Variants in HEATR1 observed in about 807,000 individuals in gnomAD.
HEATR1 encodes HEAT repeat-containing protein 1.
In HEATR1, 77 loss-of-function variants were observed where a neutral mutation model predicts 248.2. That is an observed-to-expected ratio of 0.31 (90% CI 0.26 to 0.37). HEATR1 has a LOEUF of 0.37. Ranked by LOEUF, HEATR1 falls within the 10% of genes least tolerant of loss-of-function variation. The pLI, the probability that HEATR1 is intolerant of heterozygous loss-of-function variation, is 1.00. For synonymous variants in HEATR1, 897 were observed against 923.1 expected, an observed-to-expected ratio of 0.97 and a Z score of 0.51; for missense variants, 2,420 against 2,504.9, an observed-to-expected ratio of 0.97 and a Z score of 0.72.
At chr1:236,586,815 A>G (rs994996324) in intron 14 of HEATR1, among the ~76,000 whole-genome samples, 1 of 151,958 alleles carries the variant, frequency 6.6e-6, no homozygotes, top group Admixed American at 6.6e-5. Flanking sequence ...AGATGTCTCA[A>G]CTCTACCGGA....
At chr1:236,587,906 T>C in intron 13 of HEATR1, 42 bp downstream of exon 13, 2 of 1,416,116 alleles carry the variant, frequency 1.4e-6, no homozygotes, top group Non-Finnish European at 9.8e-7. Flanking sequence ...GGCAAGGAAA[T>C]TTACAAAATT....
At chr1:236,563,282 T>A (rs1343111710) in intron 32 of HEATR1, among the ~76,000 whole-genome samples, 2 of 150,944 alleles carry the variant, frequency 1.3e-5, no homozygotes, top group Non-Finnish European at 3.0e-5. Flanking sequence ...CTTTTTTTTA[T>A]TTTTTTTATT....
intron 12 of HEATR1, 37 bp downstream of exon 12, chr1:236,590,810 A>G (rs78564511): frequency 0.023 from 25,976 of 1,129,888 alleles, 1,454 homozygotes; most frequent in East Asian, 0.22. Context: ...TCATCATAAG[A>G]AAAAAAAACC....
At chr1:236,579,997 C>T (rs1011354390) in intron 20 of HEATR1, among the ~76,000 whole-genome samples, 8 of 151,884 alleles carry the variant, frequency 5.3e-5, no homozygotes, top group Admixed American at 3.9e-4. Context: ...AGGGCCACTC[C>T]TATGCCTCTG....
At chr1:236,581,099 T>G in intron 20 of HEATR1, 123 bp downstream of exon 20, 97 of 737,384 alleles carry the variant, frequency 1.3e-4, no homozygotes, top group Non-Finnish European at 1.8e-4. Context: ...ATTACAGGCG[T>G]GAGATACCGC....
rs746103672 is a variant in HEATR1, at chr1:236,572,405, C to T, written c.3707+6G>A. 16 of 1,613,784 alleles carry T rather than the reference C, an allele frequency of 9.9e-6. No individual in the cohort carries two copies. In the Admixed American group the frequency reaches 2.5e-4, roughly 25 times the overall value. ...TCTCTCACAGATCAAAGCCAAGTGT[C>T]ATTACCTTGATAGCAAGTTAAAAAG... On this transcript the variant is annotated splice_donor_region_variant and intron_variant, in intron 26 of 44. Transcript: ENST00000366582.
intron 23 of HEATR1, 143 bp from the exon 24 acceptor site, chr1:236,574,476 A>G: frequency 8.3e-7 from 1 of 1,211,802 alleles, no homozygotes; most frequent in Middle Eastern, 2.9e-4. Flanking sequence ...TTAATGACCC[A>G]TGTACAACGT....
chr1:236,555,268 T>C, intron 41 of HEATR1, 28 bp downstream of exon 41: 6 of 1,610,308 alleles, frequency 3.7e-6, no homozygotes, highest in African/African-American at 1.3e-5. Flanking sequence ...AGGGCAAGGG[T>C]GACAGCTGAA....
Position 236,572,835 on chromosome 1 carries a change from T to C in HEATR1, c.3460-7A>G. 1 of 1,608,772 alleles carries C rather than the reference T, an allele frequency of 6.2e-7. No homozygotes were observed. Among genetic ancestry groups the C allele is most frequent in the East Asian group, 2.2e-5 (1 of 44,832 alleles). The stretch of plus-strand genomic sequence containing the variant: ...GTTCAGCATTAACGGAAATCTGAAA[T>C]ATTGAAGGAAGAAGAGTTGATGATA... On this transcript the variant is annotated splice_polypyrimidine_tract_variant and splice_region_variant and intron_variant, in intron 24 of 44. Transcript: ENST00000366582.
At position 236,549,382 on chromosome 1, in the gene HEATR1, T is replaced by C. The variant is rs1662607655; in HGVS notation, c.*1520A>G. The C allele has an allele frequency of 6.0e-6, 1 of 166,962 alleles. No individual in the cohort carries two copies. Among genetic ancestry groups the C allele is most frequent in the South Asian group, 2.0e-4 (1 of 4,924 alleles). The allele number at this position is 166,962 out of a possible 1,614,324, so 10.3% of individuals were successfully genotyped here. ...ACAGGAAATTTCAAAGGTTTGGGAG[T>C]GGGGAGGGAAAAAAGCTCAGTCAGT... On this transcript the variant is annotated 3_prime_UTR_variant, in exon 45 of 45. Coordinates refer to ENST00000366582, the MANE Select transcript of HEATR1 (RefSeq NM_018072.6).
At chr1:236,587,604 T>C (rs1663929398) in intron 13 of HEATR1, 114 bp from the exon 14 acceptor site, 1 of 476,218 alleles carries the variant, frequency 2.1e-6, no homozygotes, top group East Asian at 3.4e-5. Flanking sequence ...CCAGGAATCC[T>C]AGTACAAATT....
chr1:236,584,529 C>T (rs1392805760), intron 17 of HEATR1, among the ~76,000 whole-genome samples: 2 of 152,070 alleles, frequency 1.3e-5, no homozygotes, highest in East Asian at 3.9e-4. Context: ...AAAAGTCTTG[C>T]TACCTCAAAA....
chr1:236,586,225 C>T lies in HEATR1; in HGVS notation c.1927+16G>A. The T allele has an allele frequency of 6.4e-7, 1 of 1,571,760 alleles. No individual in the cohort carries two copies. The highest frequency in any genetic ancestry group is 8.6e-7 in the Non-Finnish European group (1 of 1,157,130). On this transcript the variant is annotated intron_variant, in intron 15 of 44. Transcript: ENST00000366582. ...TATCTGTTCACTTTTTCTAAAAAAA[C>T]AACTGAATTTTTTACCTTCTTCCCA...
rs1535504 is a variant in HEATR1, at chr1:236,560,704, T to A, written c.4646+521A>T. 3.2e-3 allele frequency among the ~76,000 whole-genome samples: 485 copies of A among 152,240 alleles called. 4 individuals are homozygous for A. The highest frequency in any genetic ancestry group is 0.02 in the Admixed American group (302 of 15,298). On this transcript the variant is annotated intron_variant, in intron 33 of 44. Coordinates refer to ENST00000366582, the MANE Select transcript of HEATR1 (RefSeq NM_018072.6). ...GGCCAGGAGGCAAACCCCGAGGACA[T>A]GGGAGAGAAAGGAAAATTCCTGCAC...
Position 236,564,323 on chromosome 1 carries a change from CAGT to C in HEATR1, c.4599+172_4599+174del, listed in dbSNP as rs563672477. Among the ~76,000 whole-genome samples the C allele has an allele frequency of 9.7e-4, 148 of 152,272 alleles. 1 individual carries two copies. Among genetic ancestry groups the C allele is most frequent in the African/African-American group, 3.2e-3 (132 of 41,546 alleles). On this transcript the variant is annotated intron_variant, in intron 32 of 44. Coordinates refer to ENST00000366582, the MANE Select transcript of HEATR1 (RefSeq NM_018072.6). ...ACAGAGTTTACATTATGTTCCATCT[CAGT>C]AGATCATGACGAACGGCTTTTCATG...
At position 236,556,264 on chromosome 1, in the gene HEATR1, G is replaced by C. The variant is rs762689471; in HGVS notation, c.5356-6C>G. On this transcript the variant is annotated splice_region_variant and splice_polypyrimidine_tract_variant and intron_variant, in intron 37 of 44. Coordinates refer to ENST00000366582, the MANE Select transcript of HEATR1 (RefSeq NM_018072.6). ...ATTTTCTCCAGATGAATCACCTACAGGAATATAAAAAAAGTGATCAGGGCC... is the reference window on the plus strand; with the variant it reads ...ATTTTCTCCAGATGAATCACCTACACGAATATAAAAAAAGTGATCAGGGCC... The C allele has an allele frequency of 1.2e-6, 2 of 1,613,594 alleles. No individual in the cohort carries two copies. Among genetic ancestry groups the C allele is most frequent in the Non-Finnish European group, 1.7e-6 (2 of 1,179,788 alleles).
Position 236,588,039 on chromosome 1 carries a change from C to A in HEATR1, c.1535G>T (p.Gly512Val). ...LKKIMKTSKE[G>V]VDESFIKEAV... ...TTCTTTTATGAAAGATTCATCAACA[C>A]CCTCCTGAGCAATAAAAGAAAAACA... is the stretch of plus-strand genomic sequence containing the variant. The change falls in exon 13 of 45, where the codon GGT (glycine) becomes GTT (valine). Residue 512 changes from glycine to valine, a missense_variant. By Grantham distance (109) the Gly-to-Val change is moderately radical. Transcript: ENST00000366582. The A allele has an allele frequency of 6.2e-7, 1 of 1,606,390 alleles. No homozygotes were observed. Among genetic ancestry groups the A allele is most frequent in the Non-Finnish European group, 8.5e-7 (1 of 1,176,106 alleles).
At chr1:236,574,580 T>A (rs1663516342) in intron 23 of HEATR1, 81 bp downstream of exon 23, 13 of 1,441,494 alleles carry the variant, frequency 9.0e-6, no homozygotes, top group Non-Finnish European at 9.3e-7. Flanking sequence ...TAATCTTTTT[T>A]TTTTTAACGC....
At chr1:236,559,537 A>T (rs1278246891) in intron 34 of HEATR1, among the ~76,000 whole-genome samples, 177 bp downstream of exon 34, 1 of 152,156 alleles carries the variant, frequency 6.6e-6, no homozygotes, top group Non-Finnish European at 1.5e-5. Context: ...TAAGGAAACA[A>T]TTTTTTCCAG....
Sources: allele counts gnomAD v4.1 joint callset (sites outside exome capture counted in the v4.1 genomes callset), GRCh38; gene constraint gnomAD v4.1.1; transcripts MANE v1.5; gene names NCBI Gene and HGNC (gene_info 2026-07-23, HGNC 2026-07-21).